SBNO2: variants seen among roughly 807,000 people sequenced by gnomAD.
SBNO2 encodes the protein strawberry notch homolog 2, also known as protein strawberry notch homolog 2.
In SBNO2, 89 loss-of-function variants were observed where a neutral mutation model predicts 146.3. That is an observed-to-expected ratio of 0.61 (90% CI 0.51 to 0.73). SBNO2 has a LOEUF of 0.73. Among genes scored for constraint, SBNO2 ranks in the 30% least tolerant of loss-of-function variants. The pLI, the probability that SBNO2 is intolerant of heterozygous loss-of-function variation, is 0.00. For synonymous variants in SBNO2, 1,147 were observed against 892.6 expected, an observed-to-expected ratio of 1.29 and a Z score of -5.08; for missense variants, 2,092 against 2,003.7, an observed-to-expected ratio of 1.04 and a Z score of -0.84.
rs773399803 is a variant in SBNO2 at position 1,112,955 on chromosome 19, G to A, written c.2248-6C>T. ...CGGCCTTTCCTGCCGGTCATCTGCA[G>A]CCGAGACAGGGACAAAACCGGCCGT... On this transcript the variant is annotated splice_polypyrimidine_tract_variant and splice_region_variant and intron_variant, in intron 19 of 31. Transcript: ENST00000361757. This position sits in a 1 kb window ranked among gnomAD's most constrained non-coding sequence, Gnocchi z 5.9. 7 of 1,557,630 alleles carry A rather than the reference G, an allele frequency of 4.5e-6. No individual in the cohort carries two copies. Among genetic ancestry groups the A allele is most frequent in the Middle Eastern group, 3.3e-4 (2 of 6,020 alleles).
At position 1,108,682 on chromosome 19, in the gene SBNO2, G is replaced by C. The variant is rs1341971280; in HGVS notation, c.3639C>G (p.Cys1213Trp). 1.3e-6 allele frequency: 2 copies of C among 1,536,650 alleles called. No individual in the cohort carries two copies. Among genetic ancestry groups the C allele is most frequent in the Admixed American group, 2.0e-5 (1 of 51,100 alleles). Residue 1213 changes from cysteine to tryptophan, a missense_variant, in exon 32 of 32, where the codon TGC becomes TGG. Physicochemically the swap from Cys to Trp is radical, Grantham distance 215. Coordinates refer to ENST00000361757, the MANE Select transcript of SBNO2 (RefSeq NM_014963.3). ...KQVGIKIPEG[C>W]VRRVLQELRL... ...GCAGCTCCTGCAGCACCCGGCGCAC[G>C]CAGCCCTCGGGGATCTTGATGCCTG...
intron 1 of SBNO2, chr19:1,169,133 C>T (rs1034317681): frequency 1.3e-5 from 2 of 152,328 alleles, no homozygotes; most frequent in African/African-American, 4.8e-5. Flanking sequence ...ACCAGGCCCG[C>T]CAGTCCGATC....
At chr19:1,170,208 C>T (rs747444740) in intron 1 of SBNO2, among the ~76,000 whole-genome samples, 2 of 152,198 alleles carry the variant, frequency 1.3e-5, no homozygotes, top group Non-Finnish European at 2.9e-5. Context: ...CCCACGCATC[C>T]GAAATCCCCG....
chr19:1,112,944 G>A lies in SBNO2; in HGVS notation c.2253C>T (p.Thr751=), dbSNP rs7249065. 1.6e-5 allele frequency: 25 copies of A among 1,562,402 alleles called. No individual in the cohort carries two copies. The highest frequency in any genetic ancestry group is 1.7e-4 in the Middle Eastern group (1 of 6,026). The part of the protein sequence containing the change: ...LGGPQRVAEM[T]GRKGRVVSRP... ...TGGACACCACGCGGCCTTTCCTGCC[G>A]GTCATCTGCAGCCGAGACAGGGACA... is the stretch of plus-strand genomic sequence containing the variant. Residue 751 remains threonine, a synonymous_variant, in exon 20 of 32, where the codon ACC becomes ACT. Coordinates refer to ENST00000361757, the MANE Select transcript of SBNO2 (RefSeq NM_014963.3). This position sits in a 1 kb window ranked among gnomAD's most constrained non-coding sequence, Gnocchi z 5.9.
intron 18 of SBNO2, 123 bp downstream of exon 18, chr19:1,114,108 G>A (rs984831136): frequency 2.0e-4 from 174 of 865,054 alleles, no homozygotes; most frequent in Non-Finnish European, 2.7e-4. Flanking sequence ...ACAACCTGGG[G>A]TGGGTGGTGA....
chr19:1,109,459 GC>G lies in SBNO2; in HGVS notation c.3217-37del. On this transcript the variant is annotated intron_variant, in intron 28 of 31. Transcript: ENST00000361757. The surrounding 1 kb of genome is among the most constrained non-coding windows in gnomAD (Gnocchi z 4.2). ...GGGCGTTGAGGCCGCGCCCCGGTCC[GC>G]CCCCCGCGGGCCCTCCTCTGGGGGG... The G allele has an allele frequency of 3.8e-6, 6 of 1,565,448 alleles. No individual in the cohort carries two copies. Among genetic ancestry groups the G allele is most frequent in the Non-Finnish European group, 5.2e-6 (6 of 1,156,444 alleles).
chr19:1,148,393 G>C (rs72975602), intron 3 of SBNO2, among the ~76,000 whole-genome samples: 1 of 151,760 alleles, frequency 6.6e-6, no homozygotes, highest in Non-Finnish European at 1.5e-5. Context: ...CAGCCTGCTC[G>C]ACTGCTCGCC....
At chr19:1,129,256 G>C (rs1485524339) in intron 4 of SBNO2, among the ~76,000 whole-genome samples, 2 of 152,118 alleles carry the variant, frequency 1.3e-5, no homozygotes, top group African/African-American at 4.8e-5. Flanking sequence ...GACACAGGGA[G>C]ACTCCATCTC....
chr19:1,108,983 G>C lies in SBNO2; in HGVS notation c.3426-14C>G, dbSNP rs756259607. On this transcript the variant is annotated splice_polypyrimidine_tract_variant and intron_variant, in intron 30 of 31. Coordinates refer to ENST00000361757, the MANE Select transcript of SBNO2 (RefSeq NM_014963.3). ...CAGTGCCGGTTCCTGCGGACGAGAC[G>C]GGTCGTCTCGGCTCAGGCGGGTCCC... 3.3e-6 allele frequency: 5 copies of C among 1,505,130 alleles called. No individual in the cohort carries two copies. The highest frequency in any genetic ancestry group is 2.5e-5 in the South Asian group (2 of 79,214). 93.2% of individuals were successfully genotyped at this position (1,505,130 alleles called of 1,614,324 possible).
In SBNO2 at chr19:1,127,792, G is replaced by C. The variant is rs748234331; in HGVS notation, c.280-27C>G. On this transcript the variant is annotated intron_variant, in intron 4 of 31. Transcript: ENST00000361757. The stretch of plus-strand genomic sequence containing the variant: ...TGGAAGACAAGGCCAGGCCCGGTGA[G>C]GGTGGTACGGGAGACACCAAGGCCC... The C allele has an allele frequency of 3.6e-5, 58 of 1,607,954 alleles. 1 individual carries two copies. The Admixed American group carries it at 5.0e-4, about 14-fold the overall frequency.
At chr19:1,149,574 C>T in intron 2 of SBNO2, 132 bp from the exon 3 acceptor site, 1 of 746,820 alleles carries the variant, frequency 1.3e-6, no homozygotes. Flanking sequence ...CCCGCCCCTG[C>T]TGGTATCTCC....
intron 1 of SBNO2, among the ~76,000 whole-genome samples, chr19:1,156,871 A>G (rs913340526): frequency 2.8e-5 from 2 of 72,262 alleles, no homozygotes; most frequent in African/African-American, 6.9e-5. Flanking sequence ...GTCCCCCCAC[A>G]ACCCAACACT....
Position 1,109,563 on chromosome 19 carries a change from G to A in SBNO2, c.3159C>T (p.Ala1053=), listed in dbSNP as rs1404830511. The A allele has an allele frequency of 1.9e-6, 3 of 1,600,378 alleles. No homozygotes were observed. The highest frequency in any genetic ancestry group is 1.3e-5 in the African/African-American group (1 of 74,850). ...CCGTCAGCGCCAGCGACTTGGCAAA[G>A]GCGTCCTCCCACTTCAGGCCGCGGT... ...SVDRGLKWED[A]FAKSLALTGP... is the part of the protein sequence containing the mutation. Residue 1053 remains alanine (A), a synonymous_variant, in exon 28 of 32, where the codon GCC becomes GCT. Transcript: ENST00000361757. The surrounding 1 kb of genome is among the most constrained non-coding windows in gnomAD (Gnocchi z 4.2).
At chr19:1,125,358 CAA>C (rs35572800) in intron 5 of SBNO2, among the ~76,000 whole-genome samples, 1,467 of 53,064 alleles carry the variant, frequency 0.028, 11 homozygotes, top group Non-Finnish European at 0.042. Context: ...GACTCCATCT[CAA>C]AAAAAAAAAA....
chr19:1,154,563 C>A (rs2080272036), intron 1 of SBNO2, among the ~76,000 whole-genome samples, 161 bp from the exon 2 acceptor site: 2 of 152,168 alleles, frequency 1.3e-5, no homozygotes, highest in South Asian at 4.1e-4. Context: ...CCCACTCACC[C>A]CCACCCGCCA....
Position 1,157,768 on chromosome 19 carries a change from C to T in SBNO2, c.-126-3366G>A, listed in dbSNP as rs1332528404. On this transcript the variant is annotated intron_variant, in intron 1 of 31. Transcript: ENST00000361757. This position sits in a 1 kb window ranked among gnomAD's most constrained non-coding sequence, Gnocchi z 6.8. ...CAGAACCTCAGACAGGACCAAGATC[C>T]GGGAGAATCCGAGGAACCGGGTAAC... Among the ~76,000 whole-genome samples the T allele has an allele frequency of 2.0e-5, 3 of 152,158 alleles. No individual in the cohort carries two copies. The highest frequency in any genetic ancestry group is 2.1e-4 in the South Asian group (1 of 4,824).
chr19:1,111,689 AC>A, intron 23 of SBNO2, 75 bp from the exon 24 acceptor site: 1 of 1,111,412 alleles, frequency 9.0e-7, no homozygotes, highest in Non-Finnish European at 1.3e-6. Context: ...CCTCCCCAGA[AC>A]CCCACCCTCC....
intron 13 of SBNO2, among the ~76,000 whole-genome samples, 161 bp from the exon 14 acceptor site, chr19:1,119,325 AG>A (rs1297177181): frequency 3.3e-5 from 5 of 152,178 alleles, no homozygotes; most frequent in Non-Finnish European, 5.9e-5. Flanking sequence ...GGGACGGGGC[AG>A]GAAGGGCTGC....
intron 5 of SBNO2, among the ~76,000 whole-genome samples, chr19:1,124,670 T>C (rs1215107735): frequency 2.6e-5 from 4 of 152,154 alleles, no homozygotes; most frequent in Admixed American, 6.5e-5. Flanking sequence ...CCTGCCACTG[T>C]AGTGACCAGA....
Sources: gnomAD v4.1 joint callset for allele counts (sites outside exome capture counted in the v4.1 genomes callset) on GRCh38, gnomAD v4.1.1 for gene constraint, Gnocchi (gnomAD v3.1) non-coding constraint, MANE v1.5 for transcripts, NCBI Gene and HGNC (gene_info 2026-07-23, HGNC 2026-07-21) for gene names.